The following AGMO variants were observed in gnomAD, a reference collection of about 807,000 sequenced individuals.
AGMO encodes the protein glyceryl-ether monooxygenase.
A neutral mutation model predicts 60.2 loss-of-function variants in AGMO; 75 were observed. The observed-to-expected ratio is 1.25, with a 90% CI of 1.03 to 1.51. AGMO has a LOEUF of 1.51. Among genes scored for constraint, AGMO ranks in the 40% most tolerant of loss-of-function variants. The probability of loss-of-function intolerance (pLI) is 0.00; values close to 1 mark genes in which losing one functional copy is unlikely to be tolerated. For missense variants in AGMO, 763 were observed against 525.5 expected (o/e 1.45, Z -4.42); for synonymous variants, 261 against 177.1 (o/e 1.47, Z -3.76).
At chr7:15,410,705 T>A (rs896077220) in intron 5 of AGMO, among the ~76,000 whole-genome samples, 12 of 151,928 alleles carry the variant, frequency 7.9e-5, no homozygotes, top group South Asian at 2.1e-4. Context: ...TGTGATAAAT[T>A]ACAAGTAAGT....
At chr7:15,228,595 G>C (rs572597353) in intron 12 of AGMO, among the ~76,000 whole-genome samples, 82 of 152,122 alleles carry the variant, frequency 5.4e-4, no homozygotes, top group African/African-American at 1.9e-3. Context: ...AAGTGAAAGA[G>C]CAAGTCATTA....
chr7:15,396,955 G>C (rs562200626), intron 5 of AGMO, among the ~76,000 whole-genome samples: 1 of 152,262 alleles, frequency 6.6e-6, no homozygotes, highest in Non-Finnish European at 1.5e-5. Context: ...GCGACTGAGT[G>C]CTAATTGGTG....
chr7:15,433,109 T>C (rs1198606127), intron 3 of AGMO, among the ~76,000 whole-genome samples: 1 of 152,096 alleles, frequency 6.6e-6, no homozygotes, highest in Admixed American at 6.6e-5. Flanking sequence ...GTTTTTGACC[T>C]GTCAGGATTT....
At chr7:15,349,541 C>T (rs1023960695) in intron 12 of AGMO, among the ~76,000 whole-genome samples, 5 of 151,976 alleles carry the variant, frequency 3.3e-5, no homozygotes, top group African/African-American at 1.2e-4. Context: ...TCTCATAGAC[C>T]CAATACCTAC....
intron 3 of AGMO, among the ~76,000 whole-genome samples, chr7:15,517,314 GGTGTGT>G (rs369815817): frequency 6.7e-6 from 1 of 148,322 alleles, no homozygotes; most frequent in African/African-American, 2.5e-5. Flanking sequence ...TCTAGTGTGG[GGTGTGT>G]GTGTGTGTGT....
At chr7:15,446,892 G>A (rs1275715164) in intron 3 of AGMO, among the ~76,000 whole-genome samples, 2 of 152,106 alleles carry the variant, frequency 1.3e-5, no homozygotes, top group African/African-American at 2.4e-5. Context: ...TGCAATCTAT[G>A]TCCTCATTCT....
At chr7:15,274,956 A>T (rs1393155938) in intron 12 of AGMO, among the ~76,000 whole-genome samples, 1 of 151,458 alleles carries the variant, frequency 6.6e-6, no homozygotes, top group Non-Finnish European at 1.5e-5. Flanking sequence ...TGAGCTCATT[A>T]GTGGCCTATC....
chr7:15,230,351 T>A (rs532269744), intron 12 of AGMO, among the ~76,000 whole-genome samples: 13 of 152,018 alleles, frequency 8.6e-5, no homozygotes, highest in Admixed American at 2.6e-4. Flanking sequence ...AAAAAAAAAA[T>A]TACCCATAAA....
chr7:15,314,762 G>A (rs940888334), intron 12 of AGMO, among the ~76,000 whole-genome samples: 2 of 152,048 alleles, frequency 1.3e-5, no homozygotes, highest in African/African-American at 4.8e-5. Context: ...ATAGAATTAA[G>A]CTTATGAATC....
intron 12 of AGMO, among the ~76,000 whole-genome samples, chr7:15,216,774 A>AT (rs1563039275): frequency 6.6e-6 from 1 of 152,092 alleles, no homozygotes; most frequent in Non-Finnish European, 1.5e-5. Flanking sequence ...AGATCAACAC[A>AT]TATCAATTGA....
chr7:15,168,875 C>T, the AGMO span, among the ~76,000 whole-genome samples: 3 of 152,252 alleles, frequency 2.0e-5, no homozygotes, highest in East Asian at 1.9e-4. Flanking sequence ...ATTCCTAGTG[C>T]CACTCTCATT....
chr7:15,528,717 C>T (rs1784189973), intron 3 of AGMO, among the ~76,000 whole-genome samples: 1 of 152,026 alleles, frequency 6.6e-6, no homozygotes, highest in Non-Finnish European at 1.5e-5. Flanking sequence ...GGCACGATCT[C>T]GGCTCACCGC....
chr7:15,526,307 T>C (rs1381475146), intron 3 of AGMO, among the ~76,000 whole-genome samples: 2 of 152,330 alleles, frequency 1.3e-5, no homozygotes, highest in African/African-American at 2.4e-5. Context: ...TTAAGTCTTG[T>C]CTGCAGGCCA....
At chr7:15,515,697 G>A (rs1285224993) in intron 3 of AGMO, among the ~76,000 whole-genome samples, 1 of 152,136 alleles carries the variant, frequency 6.6e-6, no homozygotes, top group African/African-American at 2.4e-5. Flanking sequence ...TATATTTTAA[G>A]ATATTATTCA....
intron 12 of AGMO, among the ~76,000 whole-genome samples, chr7:15,342,829 AC>A (rs1941635221): frequency 6.7e-6 from 1 of 148,602 alleles, no homozygotes; most frequent in African/African-American, 2.5e-5. Flanking sequence ...TACCTCTACA[AC>A]TTATGACTAT....
Position 15,530,522 on chromosome 7 carries a change from CTATATACGTATTTCTATATAT to C in AGMO, c.409+14229_409+14249del, listed in dbSNP as rs1392687467. Among the ~76,000 whole-genome samples the C allele has an allele frequency of 3.4e-4, 17 of 50,608 alleles. 1 individual carries two copies. The highest frequency in any genetic ancestry group is 1.1e-3 in the African/African-American group (16 of 14,066). 33.2% of individuals were successfully genotyped at this position (50,608 alleles called of 152,430 possible). ...ATATACGTATTTCTATATATATATT[CTATATACGTATTTCTATATAT>C]ATTCTATATACGTATTTCTATATAT... On this transcript the variant is annotated intron_variant, in intron 3 of 12. Transcript: ENST00000342526.
At chr7:15,479,748 C>G (rs946182228) in intron 3 of AGMO, among the ~76,000 whole-genome samples, 1 of 152,076 alleles carries the variant, frequency 6.6e-6, no homozygotes, top group Non-Finnish European at 1.5e-5. Context: ...GCAAGGGATA[C>G]AAAACTGAAG....
intron 3 of AGMO, among the ~76,000 whole-genome samples, chr7:15,474,227 G>C (rs760977616): frequency 6.6e-6 from 1 of 152,052 alleles, no homozygotes; most frequent in Non-Finnish European, 1.5e-5. Flanking sequence ...AACCAAAAAA[G>C]AGCCCATATA....
the AGMO span, among the ~76,000 whole-genome samples, chr7:15,153,245 C>T: frequency 1.3e-4 from 20 of 151,354 alleles, no homozygotes; most frequent in African/African-American, 4.6e-4. Context: ...CATATTAGTC[C>T]TTTGTCAGAT....
Sources: allele counts gnomAD v4.1 joint callset (sites outside exome capture counted in the v4.1 genomes callset), GRCh38; gene constraint gnomAD v4.1.1; transcripts MANE v1.5; gene names NCBI Gene and HGNC (gene_info 2026-07-23, HGNC 2026-07-21).